Variants in GREB1L observed in about 807,000 individuals in gnomAD.
The protein encoded by GREB1L is GREB1 like retinoic acid receptor coactivator.
A neutral mutation model predicts 200.8 loss-of-function variants in GREB1L; 17 were observed. The observed-to-expected ratio is 0.08, with a 90% CI of 0.06 to 0.13. The LOEUF (loss-of-function observed/expected upper bound fraction) is 0.13. Ranked by LOEUF, GREB1L falls within the 10% of genes least tolerant of loss-of-function variation. GREB1L has a pLI of 1.00. For missense variants in GREB1L, 1,657 were observed against 2,367.7 expected, an observed-to-expected ratio of 0.70 and a Z score of 6.23; for synonymous variants, 789 against 893.0, an observed-to-expected ratio of 0.88 and a Z score of 2.08.
chr18:21,383,041 AT>A (rs111675467), intron 2 of GREB1L, among the ~76,000 whole-genome samples: 28,059 of 151,966 alleles, frequency 0.18, 6,076 homozygotes, highest in African/African-American at 0.52. Flanking sequence ...TAAAACTTTC[AT>A]TTTTTTTCCA....
intron 7 of GREB1L, among the ~76,000 whole-genome samples, chr18:21,428,908 G>A (rs2032889181): frequency 6.6e-6 from 1 of 151,768 alleles, no homozygotes; most frequent in African/African-American, 2.4e-5. Context: ...AGTAGAGGTG[G>A]GGTTTCACCA....
chr18:21,398,036 C>T (rs1024949040), intron 5 of GREB1L, among the ~76,000 whole-genome samples: 1 of 152,096 alleles, frequency 6.6e-6, no homozygotes, highest in African/African-American at 2.4e-5. Context: ...CTCTGACTGT[C>T]GACAATGAAA....
chr18:21,268,477 A>ATGTG (rs1197124499), intron 1 of GREB1L, among the ~76,000 whole-genome samples: 2 of 141,316 alleles, frequency 1.4e-5, no homozygotes, highest in Non-Finnish European at 3.1e-5. Flanking sequence ...GTCTATATAT[A>ATGTG]TGTGTGTGTG....
intron 1 of GREB1L, among the ~76,000 whole-genome samples, chr18:21,258,061 G>T (rs1395997350): frequency 1.3e-5 from 2 of 152,132 alleles, no homozygotes; most frequent in Non-Finnish European, 1.5e-5. Context: ...ATACTCTTGG[G>T]TACCTGTTTT....
At chr18:21,379,496 C>A (rs989116100) in intron 2 of GREB1L, among the ~76,000 whole-genome samples, 1 of 152,166 alleles carries the variant, frequency 6.6e-6, no homozygotes, top group Non-Finnish European at 1.5e-5. Context: ...TGAGCCACCA[C>A]GCCAGGAGGT....
chr18:21,274,192 GA>G (rs2038124436), intron 1 of GREB1L, among the ~76,000 whole-genome samples: 1 of 152,148 alleles, frequency 6.6e-6, no homozygotes, highest in Non-Finnish European at 1.5e-5. Context: ...TCACATGGTA[GA>G]GGGGGCAATG....
chr18:21,337,291 GT>G, intron 1 of GREB1L, among the ~76,000 whole-genome samples: 1 of 151,900 alleles, frequency 6.6e-6, no homozygotes, highest in East Asian at 1.9e-4. Context: ...TTTGCTGTTT[GT>G]TTTTAGTGTT....
rs1246089959 is a variant in GREB1L, at chr18:21,463,760, A to G, written c.2182+9197A>G. On this transcript the variant is annotated intron_variant, in intron 15 of 32. Coordinates refer to ENST00000424526, the MANE Select transcript of GREB1L (RefSeq NM_001142966.3). Reference sequence around the variant, plus strand: ...ACTTGGCTAATTTTTTTTAGAGACAAGATCTCACCACGTTGCTCAGGCTGG... The same window carrying G: ...ACTTGGCTAATTTTTTTTAGAGACAGGATCTCACCACGTTGCTCAGGCTGG... Among the ~76,000 whole-genome samples the G allele has an allele frequency of 4.6e-5, 7 of 152,134 alleles. 1 individual carries two copies. The highest frequency in any genetic ancestry group is 2.6e-4 in the Admixed American group (4 of 15,270).
At chr18:21,457,552 G>A (rs888018406) in intron 15 of GREB1L, among the ~76,000 whole-genome samples, 1 of 152,124 alleles carries the variant, frequency 6.6e-6, no homozygotes, top group African/African-American at 2.4e-5. Context: ...TTAATACCTA[G>A]TGTTCCACCT....
At chr18:21,361,221 AAG>A (rs764656116) in intron 1 of GREB1L, among the ~76,000 whole-genome samples, 71 of 152,358 alleles carry the variant, frequency 4.7e-4, no homozygotes, top group Admixed American at 1.4e-3. Flanking sequence ...CGTATGTGAG[AAG>A]AGAGAGGCTA....
chr18:21,245,149 G>T (rs1318272635), intron 1 of GREB1L, among the ~76,000 whole-genome samples: 3 of 152,202 alleles, frequency 2.0e-5, no homozygotes, highest in Non-Finnish European at 4.4e-5. Context: ...GCTGATTTTA[G>T]TGACTGCGTA....
chr18:21,372,242 G>A (rs2039904488), intron 2 of GREB1L, among the ~76,000 whole-genome samples: 3 of 149,686 alleles, frequency 2.0e-5, no homozygotes, highest in South Asian at 2.1e-4. Flanking sequence ...TCCGCCTCCC[G>A]AGTTCAAGCA....
At chr18:21,364,252 T>A (rs764717336) in intron 1 of GREB1L, among the ~76,000 whole-genome samples, 3 of 152,138 alleles carry the variant, frequency 2.0e-5, no homozygotes, top group Non-Finnish European at 4.4e-5. Context: ...TTAAGTTATT[T>A]TCAGTAACCT....
intron 1 of GREB1L, among the ~76,000 whole-genome samples, chr18:21,271,424 A>T (rs2038075987): frequency 6.6e-6 from 1 of 151,730 alleles, no homozygotes; most frequent in African/African-American, 2.4e-5. Flanking sequence ...AGGCAGGAGG[A>T]CCACTTGAGG....
intron 1 of GREB1L, among the ~76,000 whole-genome samples, chr18:21,288,581 A>AT (rs1407745482): frequency 1.3e-5 from 2 of 152,206 alleles, no homozygotes; most frequent in East Asian, 3.8e-4. Context: ...ATACATACAG[A>AT]TTTTTTGAAA....
chr18:21,382,356 TA>T (rs1185568039), intron 2 of GREB1L, among the ~76,000 whole-genome samples: 1 of 151,934 alleles, frequency 6.6e-6, no homozygotes, highest in East Asian at 1.9e-4. Flanking sequence ...AAAAAATTTT[TA>T]AAAAAATAGT....
rs570163964 is a variant in GREB1L, at chr18:21,268,681, T to G, written c.-120+26288T>G. ...GGCACAATATTGGCTCACTGAAACTTCTGCCTCCTAGGCTCAAGTGATTCT... is the reference window on the plus strand; with the variant it reads ...GGCACAATATTGGCTCACTGAAACTGCTGCCTCCTAGGCTCAAGTGATTCT... On this transcript the variant is annotated intron_variant, in intron 1 of 32. Transcript: ENST00000424526. Among the ~76,000 whole-genome samples the G allele has an allele frequency of 3.3e-5, 5 of 150,466 alleles. No homozygotes were observed. The East Asian group carries it at 9.8e-4, about 30-fold the overall frequency.
intron 6 of GREB1L, among the ~76,000 whole-genome samples, chr18:21,402,610 C>A (rs1406150461): frequency 6.6e-6 from 1 of 151,804 alleles, no homozygotes; most frequent in Non-Finnish European, 1.5e-5. Flanking sequence ...CAACCTCTCC[C>A]ACCCCAGGCT....
At chr18:21,439,709 G>A in intron 8 of GREB1L, 72 bp downstream of exon 8, 2 of 948,104 alleles carry the variant, frequency 2.1e-6, no homozygotes, top group South Asian at 2.8e-5. Context: ...ATTTTGTAAT[G>A]AATTATCTGG....
Sources: gnomAD v4.1 joint callset for allele counts (sites outside exome capture counted in the v4.1 genomes callset) on GRCh38, gnomAD v4.1.1 for gene constraint, MANE v1.5 for transcripts, NCBI Gene and HGNC (gene_info 2026-07-23, HGNC 2026-07-21) for gene names.